Variants in PCBP3 observed in about 807,000 individuals in gnomAD.
PCBP3 encodes the protein poly(rC) binding protein 3.
Under a neutral mutation model 52.7 loss-of-function variants are expected in PCBP3, and 25 were observed. The ratio of observed to expected loss-of-function variants is 0.47; its 90% CI spans 0.35 to 0.66. The LOEUF is 0.66. Among genes scored for constraint, PCBP3 ranks in the 30% least tolerant of loss-of-function variants. PCBP3 has a pLI of 0.01. For synonymous variants in PCBP3, 162 were observed against 183.0 expected, an observed-to-expected ratio of 0.89 and a Z score of 0.93; for missense variants, 391 against 490.3, an observed-to-expected ratio of 0.80 and a Z score of 1.91.
chr21:45,869,707 A>G (rs1048571850), intron 5 of PCBP3, among the ~76,000 whole-genome samples: 7 of 134,946 alleles, frequency 5.2e-5, no homozygotes, highest in Non-Finnish European at 1.2e-4. Flanking sequence ...CGGTGGACAG[A>G]AGGGCAGTGG....
chr21:45,652,460 A>C (rs2079749521), intron 1 of PCBP3, among the ~76,000 whole-genome samples: 1 of 113,058 alleles, frequency 8.8e-6, no homozygotes, highest in Non-Finnish European at 1.8e-5. Flanking sequence ...TTTTTTTTTG[A>C]GACGGAGTCT....
At chr21:45,784,104 T>A (rs1369519683) in intron 4 of PCBP3, among the ~76,000 whole-genome samples, 1 of 152,228 alleles carries the variant, frequency 6.6e-6, no homozygotes, top group Non-Finnish European at 1.5e-5. Flanking sequence ...GACAGGGATG[T>A]AATTTGCAGA....
At chr21:45,795,447 G>A (rs977448829) in intron 4 of PCBP3, among the ~76,000 whole-genome samples, 1 of 151,528 alleles carries the variant, frequency 6.6e-6, no homozygotes, top group Non-Finnish European at 1.5e-5. Context: ...ATCATAAAGT[G>A]CAGTAAAAGT....
intron 4 of PCBP3, chr21:45,763,120 C>A (rs2088881283): frequency 6.6e-6 from 1 of 152,214 alleles, no homozygotes; most frequent in Non-Finnish European, 1.5e-5. Context: ...CAGTGCTCGG[C>A]GACTCTCCGG....
intron 2 of PCBP3, among the ~76,000 whole-genome samples, chr21:45,674,779 C>T (rs945777853): frequency 2.6e-5 from 4 of 152,094 alleles, no homozygotes; most frequent in African/African-American, 9.7e-5. Context: ...TATATGAGGG[C>T]ACTGGAATGA....
At chr21:45,875,967 G>A (rs1055453300) in intron 5 of PCBP3, among the ~76,000 whole-genome samples, 5 of 152,200 alleles carry the variant, frequency 3.3e-5, no homozygotes, top group African/African-American at 4.8e-5. Context: ...CCATGGCCCC[G>A]CATCCCCGGT....
chr21:45,669,805 GTATA>G (rs773020402), intron 2 of PCBP3, among the ~76,000 whole-genome samples: 496 of 49,596 alleles, frequency 0.01, 3 homozygotes, highest in African/African-American at 0.02. Context: ...GTGTGTGTGT[GTATA>G]TATATATATA....
chr21:45,686,283 A>G (rs1018610688), intron 2 of PCBP3, among the ~76,000 whole-genome samples: 10 of 152,160 alleles, frequency 6.6e-5, no homozygotes, highest in African/African-American at 2.4e-4. Context: ...GCCATCCAGA[A>G]TGGAGCATCC....
chr21:45,906,714 G>A (rs1003036586), intron 9 of PCBP3, among the ~76,000 whole-genome samples: 12 of 152,102 alleles, frequency 7.9e-5, no homozygotes, highest in African/African-American at 2.7e-4. Flanking sequence ...GGAGTTCTCC[G>A]GGAGCTCAGG....
intron 4 of PCBP3, among the ~76,000 whole-genome samples, chr21:45,818,021 C>CATT (rs1474276262): frequency 6.6e-6 from 1 of 151,978 alleles, no homozygotes; most frequent in African/African-American, 2.4e-5. Flanking sequence ...AATATTGGTA[C>CATT]ATTATTATTA....
Position 45,931,444 on chromosome 21 carries a change from G to A in PCBP3, c.856+599G>A, listed in dbSNP as rs186328906. Among the ~76,000 whole-genome samples, 532 of 152,372 alleles carry A rather than the reference G, an allele frequency of 3.5e-3. 3 individuals are homozygous for A. The highest frequency in any genetic ancestry group is 0.012 in the African/African-American group (518 of 41,582). Reference sequence around the variant, plus strand: ...TCCCCTCACCAAGGCCCTGAGGACTGCAGTGCACACACATGCCAGCCACAG... The same window carrying A: ...TCCCCTCACCAAGGCCCTGAGGACTACAGTGCACACACATGCCAGCCACAG... On this transcript the variant is annotated intron_variant, in intron 15 of 17. Coordinates refer to ENST00000681687, the MANE Select transcript of PCBP3 (RefSeq NM_001384156.1).
intron 4 of PCBP3, among the ~76,000 whole-genome samples, chr21:45,763,955 C>T (rs1249973194): frequency 6.6e-6 from 1 of 152,218 alleles, no homozygotes; most frequent in African/African-American, 2.4e-5. Context: ...AAATGAGCTT[C>T]TAATAATACG....
At chr21:45,882,838 C>T (rs529059759) in intron 5 of PCBP3, among the ~76,000 whole-genome samples, 6 of 152,246 alleles carry the variant, frequency 3.9e-5, no homozygotes, top group East Asian at 3.9e-4. Context: ...GCTGCAGCTG[C>T]GGGGTTTCCT....
At position 45,878,167 on chromosome 21, in the gene PCBP3, A is replaced by ACAGCAGC. The variant is rs1401543919; in HGVS notation, c.11-18039_11-18033dup. Among the ~76,000 whole-genome samples, 54 of 152,368 alleles carry ACAGCAGC rather than the reference A, an allele frequency of 3.5e-4. 1 individual carries two copies. Among genetic ancestry groups the ACAGCAGC allele is most frequent in the Middle Eastern group, 3.4e-3 (1 of 294 alleles). On this transcript the variant is annotated intron_variant, in intron 5 of 17. Coordinates refer to ENST00000681687, the MANE Select transcript of PCBP3 (RefSeq NM_001384156.1). ...CTGTGGCAGCAGTGGCTTTGAGGGC[A>ACAGCAGC]CAGCAGCCTGACAGGCTGGCAACGC...
At chr21:45,740,884 A>G (rs539341763) in intron 3 of PCBP3, among the ~76,000 whole-genome samples, 22 of 152,292 alleles carry the variant, frequency 1.4e-4, no homozygotes, top group Admixed American at 1.3e-3. Context: ...GCAGCTGAAC[A>G]TGGGGAGGCA....
intron 2 of PCBP3, among the ~76,000 whole-genome samples, chr21:45,672,058 C>G (rs1318620278): frequency 6.6e-6 from 1 of 152,030 alleles, no homozygotes; most frequent in Non-Finnish European, 1.5e-5. Context: ...GAGGGCTGTT[C>G]CCTTATGAGT....
At chr21:45,776,537 C>G (rs1431240476) in intron 4 of PCBP3, among the ~76,000 whole-genome samples, 2 of 151,066 alleles carry the variant, frequency 1.3e-5, no homozygotes, top group African/African-American at 2.4e-5. Flanking sequence ...CTTTATGAAT[C>G]TTGATGCTCT....
intron 4 of PCBP3, among the ~76,000 whole-genome samples, chr21:45,792,866 G>A (rs757755924): frequency 1.3e-5 from 2 of 152,184 alleles, no homozygotes; most frequent in Non-Finnish European, 2.9e-5. Flanking sequence ...TTGGGCCCAG[G>A]CAGTCAGAAG....
At chr21:45,923,193 C>T (rs2074707703) in intron 13 of PCBP3, among the ~76,000 whole-genome samples, 1 of 152,230 alleles carries the variant, frequency 6.6e-6, no homozygotes, top group Non-Finnish European at 1.5e-5. Flanking sequence ...TGTTCTGTGT[C>T]TCCCTCTGGA....
Sources: gnomAD v4.1 joint callset for allele counts (sites outside exome capture counted in the v4.1 genomes callset) on GRCh38, gnomAD v4.1.1 for gene constraint, MANE v1.5 for transcripts, NCBI Gene and HGNC (gene_info 2026-07-23, HGNC 2026-07-21) for gene names.